CCDC85A: variants seen among roughly 807,000 people sequenced by gnomAD.
The protein encoded by CCDC85A is coiled-coil domain containing 85A.
CCDC85A carries 38 observed loss-of-function variants against 50.2 expected under a neutral mutation model. The observed-to-expected ratio is 0.76, with a 90% CI of 0.58 to 0.99. CCDC85A has a LOEUF of 0.99. Among genes scored for constraint, CCDC85A ranks in the 50% least tolerant of loss-of-function variants. The pLI, the probability that CCDC85A is intolerant of heterozygous loss-of-function variation, is 0.00. For synonymous variants in CCDC85A, 366 were observed against 301.4 expected (o/e 1.21, Z -2.22); for missense variants, 820 against 742.0 (o/e 1.11, Z -1.22).
intron 2 of CCDC85A, among the ~76,000 whole-genome samples, chr2:56,287,754 T>G (rs1477691910): frequency 6.6e-6 from 1 of 152,222 alleles, no homozygotes; most frequent in Admixed American, 6.5e-5. Context: ...TTTACCATTT[T>G]CAAATTCTTC....
chr2:56,377,196 GAGA>G (rs1382333272), intron 5 of CCDC85A, among the ~76,000 whole-genome samples: 2 of 152,198 alleles, frequency 1.3e-5, no homozygotes, highest in Non-Finnish European at 2.9e-5. Context: ...GTGAGCAACT[GAGA>G]GGAATTCCTG....
chr2:56,279,638 T>TGTG (rs1304159155), intron 2 of CCDC85A, among the ~76,000 whole-genome samples: 13 of 152,232 alleles, frequency 8.5e-5, no homozygotes, highest in Non-Finnish European at 1.6e-4. Context: ...TGAGATCAAC[T>TGTG]TTTTTAGACT....
At chr2:56,289,891 T>C (rs1671625361) in intron 2 of CCDC85A, among the ~76,000 whole-genome samples, 1 of 152,220 alleles carries the variant, frequency 6.6e-6, no homozygotes, top group African/African-American at 2.4e-5. Flanking sequence ...AGATGGTTTC[T>C]ATTTTAATAC....
intron 2 of CCDC85A, among the ~76,000 whole-genome samples, chr2:56,277,289 C>T (rs1220550267): frequency 6.6e-6 from 1 of 152,082 alleles, no homozygotes; most frequent in Non-Finnish European, 1.5e-5. Flanking sequence ...ATCTTGCAGA[C>T]ATGATTAAGC....
chr2:56,212,361 G>C (rs971531793), intron 2 of CCDC85A, among the ~76,000 whole-genome samples: 21 of 151,916 alleles, frequency 1.4e-4, no homozygotes, highest in Non-Finnish European at 7.4e-5. Context: ...TAGGGCTCTT[G>C]GTAAATGTTT....
In CCDC85A at chr2:56,200,101, T is replaced by C. The variant is rs368074526; in HGVS notation, c.1240+6661T>C. Among the ~76,000 whole-genome samples the C allele has an allele frequency of 3.5e-4, 54 of 152,308 alleles. 1 individual carries two copies. The South Asian group carries it at 0.011, about 32-fold the overall frequency. ...CCAGGATGGTCTCCATCTCCGGACC[T>C]GCTGATCTACCTGCCTCTGCCTCCC... On this transcript the variant is annotated intron_variant, in intron 2 of 5. Coordinates refer to ENST00000407595, the MANE Select transcript of CCDC85A (RefSeq NM_001080433.2).
chr2:56,307,771 C>A (rs996470300), intron 2 of CCDC85A, among the ~76,000 whole-genome samples: 1 of 152,102 alleles, frequency 6.6e-6, no homozygotes, highest in African/African-American at 2.4e-5. Context: ...CTTTAAAATT[C>A]GTGTCTTTTT....
intron 2 of CCDC85A, among the ~76,000 whole-genome samples, chr2:56,204,677 C>T (rs1284412034): frequency 6.6e-6 from 1 of 152,186 alleles, no homozygotes; most frequent in South Asian, 2.1e-4. Flanking sequence ...TGGGCCTGGA[C>T]TTCTGACATG....
chr2:56,259,738 T>G (rs969740255), intron 2 of CCDC85A, among the ~76,000 whole-genome samples: 5 of 152,214 alleles, frequency 3.3e-5, no homozygotes, highest in Non-Finnish European at 5.9e-5. Context: ...ATTTCACCAT[T>G]AGCCAAAGTT....
At chr2:56,310,192 G>C (rs1212976116) in intron 2 of CCDC85A, among the ~76,000 whole-genome samples, 1 of 152,112 alleles carries the variant, frequency 6.6e-6, no homozygotes, top group Non-Finnish European at 1.5e-5. Flanking sequence ...ACATACCTCG[G>C]GTAAAATGTC....
In CCDC85A at chr2:56,193,172, C is replaced by T. The variant is rs1361259251; in HGVS notation, c.972C>T (p.Ser324=). The T allele has an allele frequency of 1.9e-6, 3 of 1,613,246 alleles. No individual in the cohort carries two copies. The highest frequency in any genetic ancestry group is 1.7e-5 in the Admixed American group (1 of 59,972). Residue 324 remains serine, a synonymous_variant, in exon 2 of 6, where the codon AGC becomes AGT. Transcript: ENST00000407595. ...ACTTCCAGAAGCACCGGTCAGGGAG[C>T]AGCCCTGAACACGCCAGGCACAGTG... The part of the protein sequence containing the change: ...PEHFQKHRSG[S]SPEHARHSGG...
chr2:56,303,535 A>G (rs1278723001), intron 2 of CCDC85A, among the ~76,000 whole-genome samples: 1 of 152,108 alleles, frequency 6.6e-6, no homozygotes, highest in African/African-American at 2.4e-5. Context: ...ATAAGTAGGC[A>G]TTTCCTAAAG....
intron 2 of CCDC85A, among the ~76,000 whole-genome samples, chr2:56,272,078 A>G (rs1315811371): frequency 6.6e-6 from 1 of 152,172 alleles, no homozygotes; most frequent in African/African-American, 2.4e-5. Context: ...GACATAGTAT[A>G]ATGTCACAAA....
chr2:56,250,445 C>T (rs1227365815), intron 2 of CCDC85A, among the ~76,000 whole-genome samples: 1 of 152,046 alleles, frequency 6.6e-6, no homozygotes, highest in African/African-American at 2.4e-5. Context: ...ATTGTACTAG[C>T]CTATCAAGGA....
chr2:56,253,948 A>G (rs1006541901), intron 2 of CCDC85A, among the ~76,000 whole-genome samples: 1 of 152,146 alleles, frequency 6.6e-6, no homozygotes, highest in Non-Finnish European at 1.5e-5. Context: ...TTTGATGGCT[A>G]TGAGTCATGA....
chr2:56,193,991 T>G (rs1676428800), intron 2 of CCDC85A, among the ~76,000 whole-genome samples: 1 of 152,256 alleles, frequency 6.6e-6, no homozygotes, highest in Non-Finnish European at 1.5e-5. Flanking sequence ...TGACTTTACC[T>G]TAAGGATTTT....
chr2:56,331,250 A>G (rs1271718267), intron 2 of CCDC85A, among the ~76,000 whole-genome samples: 1 of 152,062 alleles, frequency 6.6e-6, no homozygotes, highest in African/African-American at 2.4e-5. Flanking sequence ...GGGAGAGGGG[A>G]TGAGTGATAA....
chr2:56,343,901 T>G (rs1278747244), intron 3 of CCDC85A, among the ~76,000 whole-genome samples: 1 of 152,208 alleles, frequency 6.6e-6, no homozygotes, highest in Non-Finnish European at 1.5e-5. Flanking sequence ...CAAAGACCCT[T>G]TAGAAAGACA....
In CCDC85A at chr2:56,243,923, T is replaced by A. The variant is rs1014449740; in HGVS notation, c.1240+50483T>A. ...TATTGCCTTGGTGGTCTTGGATAAGTTCTAGAATAATTCTCTGGATTACCA... is the reference window on the plus strand; with the variant it reads ...TATTGCCTTGGTGGTCTTGGATAAGATCTAGAATAATTCTCTGGATTACCA... On this transcript the variant is annotated intron_variant, in intron 2 of 5. Coordinates refer to ENST00000407595, the MANE Select transcript of CCDC85A (RefSeq NM_001080433.2). Among the ~76,000 whole-genome samples the A allele has an allele frequency of 3.1e-4, 47 of 152,316 alleles. No individual in the cohort carries two copies. The South Asian group carries it at 3.7e-3, about 12-fold the overall frequency.
Sources: allele counts gnomAD v4.1 joint callset (sites outside exome capture counted in the v4.1 genomes callset), GRCh38; gene constraint gnomAD v4.1.1; transcripts MANE v1.5; gene names NCBI Gene and HGNC (gene_info 2026-07-23, HGNC 2026-07-21).